Variants in PLCL2 observed in about 807,000 individuals in gnomAD.
The protein encoded by PLCL2 is phospholipase C like 2.
In PLCL2, 4 loss-of-function variants were observed where a neutral mutation model predicts 79.6. That is an observed-to-expected ratio of 0.05 (90% CI 0.02 to 0.11). The LOEUF is 0.11. Among genes scored for constraint, PLCL2 ranks in the 10% least tolerant of loss-of-function variants. PLCL2 has a pLI of 1.00. For synonymous variants in PLCL2, 484 were observed against 457.7 expected, an observed-to-expected ratio of 1.06 and a Z score of -0.73; for missense variants, 895 against 1,291.0, an observed-to-expected ratio of 0.69 and a Z score of 4.70.
In PLCL2 at chr3:17,012,169, T is replaced by C; in HGVS notation, c.2814+9T>C. On this transcript the variant is annotated intron_variant, in intron 2 of 5. Transcript: ENST00000615277. ...TGAGAGAAAACATGCAGGTGCGTGCTTGTGTTTAATCATTTACTCAATGGT... is the reference window on the plus strand; with the variant it reads ...TGAGAGAAAACATGCAGGTGCGTGCCTGTGTTTAATCATTTACTCAATGGT... The C allele has an allele frequency of 6.3e-7, 1 of 1,598,150 alleles. No individual in the cohort carries two copies. Among genetic ancestry groups the C allele is most frequent in the Non-Finnish European group, 8.5e-7 (1 of 1,170,956 alleles).
chr3:16,989,972 A>C (rs1341713240), intron 1 of PLCL2, among the ~76,000 whole-genome samples: 1 of 152,180 alleles, frequency 6.6e-6, no homozygotes, highest in Non-Finnish European at 1.5e-5. Context: ...ATTCTCATCT[A>C]ATAATGATTG....
Position 17,010,444 on chromosome 3 carries a change from T to G in PLCL2, c.1098T>G (p.Phe366Leu). ...TTGATACCAAGGACCTTATGATGTT[T>G]CTTGAGGCAGAACAGGGTGTGGCAC... ...EFLDTKDLMM[F>L]LEAEQGVAHI... Residue 366 changes from phenylalanine to leucine, a missense_variant, in exon 2 of 6, where the codon TTT becomes TTG. Phe to Leu is a conservative substitution (Grantham distance 22, BLOSUM62 0). Coordinates refer to ENST00000615277, the MANE Select transcript of PLCL2 (RefSeq NM_001144382.2). The surrounding 1 kb of genome is among the most constrained non-coding windows in gnomAD (Gnocchi z 5.8). 1 of 1,614,112 alleles carries G rather than the reference T, an allele frequency of 6.2e-7. No homozygotes were observed. Among genetic ancestry groups the G allele is most frequent in the Non-Finnish European group, 8.5e-7 (1 of 1,180,006 alleles).
intron 1 of PLCL2, among the ~76,000 whole-genome samples, chr3:16,912,798 C>G (rs1696911739): frequency 1.3e-5 from 2 of 152,154 alleles, no homozygotes; most frequent in African/African-American, 4.8e-5. Context: ...AATGCACTTT[C>G]CAACCAAACC....
intron 1 of PLCL2, among the ~76,000 whole-genome samples, chr3:16,905,787 C>T (rs896430927): frequency 2.0e-5 from 3 of 152,284 alleles, no homozygotes; most frequent in Admixed American, 1.3e-4. Flanking sequence ...CTCAGAATAG[C>T]GACAGCATAC....
intron 1 of PLCL2, among the ~76,000 whole-genome samples, chr3:16,978,842 A>C (rs1280996482): frequency 6.6e-6 from 1 of 152,258 alleles, no homozygotes; most frequent in Non-Finnish European, 1.5e-5. Context: ...AGAATGAAGC[A>C]GACTTTGCCC....
chr3:17,060,412 TTG>T (rs371607112), intron 4 of PLCL2, among the ~76,000 whole-genome samples: 42 of 152,312 alleles, frequency 2.8e-4, no homozygotes, highest in Admixed American at 1.0e-3. Flanking sequence ...AATTTGGCTT[TTG>T]TTAATGCCCA....
intron 4 of PLCL2, among the ~76,000 whole-genome samples, chr3:17,047,446 A>T (rs575477861): frequency 4.7e-4 from 71 of 152,280 alleles, no homozygotes; most frequent in Middle Eastern, 3.4e-3. Flanking sequence ...ACTAAATGAA[A>T]GATGACCCAG....
chr3:17,001,006 T>G (rs1430063727), intron 1 of PLCL2, among the ~76,000 whole-genome samples: 1 of 152,130 alleles, frequency 6.6e-6, no homozygotes, highest in Non-Finnish European at 1.5e-5. Flanking sequence ...TCATACTGTT[T>G]TCCAAAATGG....
chr3:17,083,326 CAG>C (rs778110494), intron 5 of PLCL2, among the ~76,000 whole-genome samples: 1 of 152,114 alleles, frequency 6.6e-6, no homozygotes, highest in Non-Finnish European at 1.5e-5. Flanking sequence ...GCATTCCCTG[CAG>C]AGGGAACAAT....
At chr3:17,076,261 C>T (rs1575618505) in intron 5 of PLCL2, among the ~76,000 whole-genome samples, 3 of 152,098 alleles carry the variant, frequency 2.0e-5, no homozygotes, top group Admixed American at 2.0e-4. Flanking sequence ...AAATATCTGA[C>T]TGACTCTAAT....
chr3:16,974,146 A>G (rs1288481196), intron 1 of PLCL2, among the ~76,000 whole-genome samples: 1 of 152,124 alleles, frequency 6.6e-6, no homozygotes, highest in Non-Finnish European at 1.5e-5. Flanking sequence ...ATGAGCCAGG[A>G]CTTGGGAGGT....
chr3:17,043,479 A>G (rs915092507), intron 4 of PLCL2, among the ~76,000 whole-genome samples: 3 of 152,154 alleles, frequency 2.0e-5, no homozygotes, highest in Non-Finnish European at 4.4e-5. Context: ...TATATAAACA[A>G]TCATCCCATT....
intron 1 of PLCL2, among the ~76,000 whole-genome samples, chr3:16,988,986 A>G (rs2064078612): frequency 6.6e-6 from 1 of 151,588 alleles, no homozygotes; most frequent in Non-Finnish European, 1.5e-5. Context: ...ATAGAGATCT[A>G]TAATAGATGT....
intron 5 of PLCL2, among the ~76,000 whole-genome samples, chr3:17,082,667 G>A (rs947072827): frequency 7.2e-5 from 11 of 152,144 alleles, no homozygotes; most frequent in African/African-American, 2.7e-4. Flanking sequence ...TCAACCAGAT[G>A]AAGAATTCTG....
intron 1 of PLCL2, among the ~76,000 whole-genome samples, chr3:16,899,248 G>A (rs1341682978): frequency 1.3e-5 from 2 of 152,234 alleles, no homozygotes; most frequent in East Asian, 1.9e-4. Flanking sequence ...TGGATGGAGC[G>A]TCTCAGCAGG....
intron 5 of PLCL2, among the ~76,000 whole-genome samples, chr3:17,078,170 T>C (rs1341066300): frequency 6.6e-6 from 1 of 152,188 alleles, no homozygotes; most frequent in Non-Finnish European, 1.5e-5. Context: ...ATCCACTTTG[T>C]CCAGGAAGGT....
At chr3:17,054,502 T>C (rs899845830) in intron 4 of PLCL2, among the ~76,000 whole-genome samples, 2 of 152,076 alleles carry the variant, frequency 1.3e-5, no homozygotes, top group African/African-American at 4.8e-5. Context: ...CAGTTTCTGT[T>C]TTATGAGGCT....
chr3:16,953,741 T>C (rs2063673576), intron 1 of PLCL2, among the ~76,000 whole-genome samples: 1 of 152,050 alleles, frequency 6.6e-6, no homozygotes, highest in African/African-American at 2.4e-5. Flanking sequence ...GTACCATTAG[T>C]CCAGACTTTA....
intron 1 of PLCL2, among the ~76,000 whole-genome samples, chr3:16,904,912 C>T (rs1487813721): frequency 6.6e-6 from 1 of 152,148 alleles, no homozygotes; most frequent in Non-Finnish European, 1.5e-5. Flanking sequence ...TGTAAGTTTC[C>T]TGAGGCCTTC....
Sources: allele counts gnomAD v4.1 joint callset (sites outside exome capture counted in the v4.1 genomes callset), GRCh38; gene constraint gnomAD v4.1.1; non-coding constraint Gnocchi (gnomAD v3.1); transcripts MANE v1.5; gene names NCBI Gene and HGNC (gene_info 2026-07-23, HGNC 2026-07-21).